Variants in STPG2 observed in about 807,000 individuals in gnomAD.
STPG2 encodes the protein sperm-tail PG-rich repeat-containing protein 2.
In STPG2, 56 loss-of-function variants were observed where a neutral mutation model predicts 54.2. The observed-to-expected ratio is 1.03, with a 90% CI of 0.83 to 1.29. The LOEUF (loss-of-function observed/expected upper bound fraction) is 1.29, where lower values mean the gene tolerates loss of function less well. STPG2 is among the 50% of genes most tolerant of loss of function. STPG2 has a pLI of 0.00. For missense variants in STPG2, 596 were observed against 544.9 expected, an observed-to-expected ratio of 1.09 and a Z score of -0.93; for synonymous variants, 200 against 181.8, an observed-to-expected ratio of 1.10 and a Z score of -0.81.
At chr4:97,698,876 CCA>C (rs1560725212) in intron 10 of STPG2, among the ~76,000 whole-genome samples, 1 of 152,128 alleles carries the variant, frequency 6.6e-6, no homozygotes, top group African/African-American at 2.4e-5. Flanking sequence ...GAGCCCACTG[CCA>C]CACTTCTTTA....
intron 4 of STPG2, among the ~76,000 whole-genome samples, chr4:97,528,920 A>T (rs1231772954): frequency 6.6e-6 from 1 of 152,200 alleles, no homozygotes; most frequent in Admixed American, 6.5e-5. Context: ...CAATCATGTC[A>T]TCTGCAAAGA....
chr4:97,496,628 A>T (rs1187749442), intron 4 of STPG2, among the ~76,000 whole-genome samples: 1 of 151,836 alleles, frequency 6.6e-6, no homozygotes, highest in Non-Finnish European at 1.5e-5. Context: ...GGAAAATCAT[A>T]ACGTGTACCC....
chr4:97,725,902 G>A (rs190491550), intron 9 of STPG2, among the ~76,000 whole-genome samples: 6 of 151,778 alleles, frequency 4.0e-5, no homozygotes, highest in Non-Finnish European at 7.4e-5. Context: ...CCAAAAAAAG[G>A]AAGGTCTTAA....
intron 10 of STPG2, among the ~76,000 whole-genome samples, chr4:97,612,522 T>C (rs1261443026): frequency 1.3e-5 from 2 of 152,104 alleles, no homozygotes; most frequent in South Asian, 2.1e-4. Context: ...TCTCTTCAGC[T>C]TGTAGAGGGG....
chr4:97,472,870 T>C (rs567610365), intron 4 of STPG2, among the ~76,000 whole-genome samples: 1 of 152,330 alleles, frequency 6.6e-6, no homozygotes, highest in South Asian at 2.1e-4. Context: ...GCTGAAGCCA[T>C]GTTAGAAGAA....
intron 5 of STPG2, among the ~76,000 whole-genome samples, chr4:98,078,239 C>T (rs1738233526): frequency 6.6e-6 from 1 of 152,136 alleles, no homozygotes; most frequent in Non-Finnish European, 1.5e-5. Context: ...TAAAGGAAAT[C>T]TGGTCCTTTG....
intron 5 of STPG2, among the ~76,000 whole-genome samples, chr4:98,070,272 G>A (rs1201332503): frequency 6.6e-6 from 1 of 151,962 alleles, no homozygotes; most frequent in Non-Finnish European, 1.5e-5. Flanking sequence ...AAAACCACAT[G>A]ATTATCTCAA....
rs538627101 is a variant in STPG2, at chr4:97,723,919, C to T, written c.1205-11105G>A. ...CTCCAACCAGGTCCCTCCCTCAACA[C>T]GTGGTGATTACAATTTGAGATGAGA... On this transcript the variant is annotated intron_variant, in intron 9 of 10. Transcript: ENST00000295268. 2.6e-5 allele frequency among the ~76,000 whole-genome samples: 4 copies of T among 152,314 alleles called. No homozygotes were observed. In the East Asian group the frequency reaches 5.8e-4, roughly 22 times the overall value.
intron 4 of STPG2, among the ~76,000 whole-genome samples, chr4:97,493,934 T>C (rs1475046037): frequency 6.6e-6 from 1 of 151,604 alleles, no homozygotes; most frequent in Non-Finnish European, 1.5e-5. Flanking sequence ...GTGAAATCCT[T>C]TGATAAGTTG....
chr4:98,013,496 G>C (rs1452106168), intron 5 of STPG2, among the ~76,000 whole-genome samples: 1 of 146,964 alleles, frequency 6.8e-6, no homozygotes, highest in African/African-American at 2.5e-5. Flanking sequence ...CTTTTCAACT[G>C]TTTGGAATAG....
intron 5 of STPG2, among the ~76,000 whole-genome samples, chr4:98,037,035 GAAGT>G (rs1396257576): frequency 6.6e-6 from 1 of 151,976 alleles, no homozygotes; most frequent in Admixed American, 6.6e-5. Flanking sequence ...TAAATAATCT[GAAGT>G]AATAGACAAA....
intron 8 of STPG2, among the ~76,000 whole-genome samples, chr4:97,910,947 G>C (rs1165990830): frequency 2.0e-5 from 3 of 152,142 alleles, no homozygotes; most frequent in East Asian, 3.9e-4. Flanking sequence ...TTCAACTAAG[G>C]TATCCAGGTT....
chr4:97,903,034 A>C (rs1731237908), intron 8 of STPG2, among the ~76,000 whole-genome samples: 1 of 152,222 alleles, frequency 6.6e-6, no homozygotes, highest in African/African-American at 2.4e-5. Context: ...TCATAGAAAC[A>C]GAGTAGAAGG....
At chr4:97,718,696 T>C (rs1044942202) in intron 9 of STPG2, among the ~76,000 whole-genome samples, 4 of 152,022 alleles carry the variant, frequency 2.6e-5, no homozygotes, top group Non-Finnish European at 5.9e-5. Context: ...GTCCTCCTTT[T>C]TAGTGAACCA....
chr4:97,898,784 G>T (rs947890210), intron 8 of STPG2, among the ~76,000 whole-genome samples: 3 of 151,482 alleles, frequency 2.0e-5, no homozygotes, highest in Admixed American at 2.0e-4. Flanking sequence ...ATTCTGAAAG[G>T]ATATGGGGAA....
At chr4:97,852,227 G>A (rs781151638) in intron 8 of STPG2, among the ~76,000 whole-genome samples, 2 of 152,106 alleles carry the variant, frequency 1.3e-5, no homozygotes, top group Non-Finnish European at 2.9e-5. Flanking sequence ...CTACAAGTAG[G>A]ATTCCAATCA....
chr4:97,641,607 C>T (rs541150793), intron 10 of STPG2, among the ~76,000 whole-genome samples: 2 of 151,120 alleles, frequency 1.3e-5, no homozygotes, highest in African/African-American at 4.8e-5. Context: ...TTATCAAAGA[C>T]CATGACAGCA....
At chr4:97,845,155 A>T (rs1007554679) in intron 8 of STPG2, among the ~76,000 whole-genome samples, 1 of 151,102 alleles carries the variant, frequency 6.6e-6, no homozygotes, top group Admixed American at 6.6e-5. Flanking sequence ...ATATCTAATA[A>T]GTTTTTTTTT....
chr4:97,699,735 A>G (rs1206502052), intron 10 of STPG2, among the ~76,000 whole-genome samples: 7 of 152,156 alleles, frequency 4.6e-5, no homozygotes, highest in Admixed American at 2.0e-4. Context: ...ACAACCATCT[A>G]TGAACCAGGC....
Sources: gnomAD v4.1 joint callset for allele counts (sites outside exome capture counted in the v4.1 genomes callset) on GRCh38, gnomAD v4.1.1 for gene constraint, MANE v1.5 for transcripts, NCBI Gene and HGNC (gene_info 2026-07-23, HGNC 2026-07-21) for gene names.